DPP10: variants seen among roughly 807,000 people sequenced by gnomAD.
The protein encoded by DPP10 is inactive dipeptidyl peptidase 10.
In DPP10, 33 loss-of-function variants were observed where a neutral mutation model predicts 120.9. The observed-to-expected ratio is 0.27, with a 90% confidence interval of 0.21 to 0.37. The LOEUF (loss-of-function observed/expected upper bound fraction) is 0.37. Ranked by LOEUF, DPP10 falls within the 10% of genes least tolerant of loss-of-function variation. The probability of loss-of-function intolerance (pLI) is 1.00; values close to 1 mark genes in which losing one functional copy is unlikely to be tolerated. For synonymous variants in DPP10, 337 were observed against 326.1 expected (o/e 1.03, Z -0.36); for missense variants, 816 against 942.8 (o/e 0.87, Z 1.76).
intron 1 of DPP10, among the ~76,000 whole-genome samples, chr2:114,625,779 T>C (rs1158194343): frequency 6.6e-6 from 1 of 151,940 alleles, no homozygotes; most frequent in Non-Finnish European, 1.5e-5. Flanking sequence ...TTGAATACTT[T>C]TGGGAAGTTT....
chr2:115,364,537 T>A (rs543166120), intron 3 of DPP10, among the ~76,000 whole-genome samples: 1 of 152,176 alleles, frequency 6.6e-6, no homozygotes, highest in East Asian at 1.9e-4. Context: ...AATATTCTTA[T>A]TTTTCCATAC....
At chr2:115,582,989 T>C (rs1210708014) in intron 5 of DPP10, among the ~76,000 whole-genome samples, 1 of 152,220 alleles carries the variant, frequency 6.6e-6, no homozygotes, top group Non-Finnish European at 1.5e-5. Context: ...ATCTTGCAAC[T>C]TTGTGAGATG....
intron 1 of DPP10, among the ~76,000 whole-genome samples, chr2:114,881,020 C>G (rs972754558): frequency 2.0e-5 from 3 of 152,048 alleles, no homozygotes; most frequent in Admixed American, 6.6e-5. Context: ...AAGTGTGACC[C>G]AGGTTACCTA....
At chr2:115,719,357 A>G (rs920333236) in intron 7 of DPP10, among the ~76,000 whole-genome samples, 5 of 152,204 alleles carry the variant, frequency 3.3e-5, no homozygotes, top group African/African-American at 1.2e-4. Context: ...CCTGATATGA[A>G]TAATTGCAAA....
At position 115,505,364 on chromosome 2, in the gene DPP10, A is replaced by G. The variant is rs17044583; in HGVS notation, c.366+5760A>G. On this transcript the variant is annotated intron_variant, in intron 4 of 25. Coordinates refer to ENST00000410059, the MANE Select transcript of DPP10 (RefSeq NM_020868.6). ...ATTATATGAACTAGAGCTTGGTTCA[A>G]TCTTGTCTGACAGAGCCTATTAGAT... 7.7e-3 allele frequency among the ~76,000 whole-genome samples: 1,174 copies of G among 152,262 alleles called. 40 individuals are homozygous for G. The highest frequency in any genetic ancestry group is 0.07 in the East Asian group (364 of 5,176).
rs148619134 is a variant in DPP10, at chr2:115,025,136, T to G, written c.61-284103T>G. Among the ~76,000 whole-genome samples, 466 of 151,960 alleles carry G rather than the reference T, an allele frequency of 3.1e-3. 3 individuals are homozygous for G. The highest frequency in any genetic ancestry group is 0.011 in the African/African-American group (439 of 41,490). ...CTTTTATCTAACTGTATATTTGTCT[T>G]TTTAATCAACCCTCCTCCACCTCCC... On this transcript the variant is annotated intron_variant, in intron 1 of 25. Transcript: ENST00000410059.
At chr2:115,210,401 T>G (rs1470614274) in intron 1 of DPP10, among the ~76,000 whole-genome samples, 2 of 152,222 alleles carry the variant, frequency 1.3e-5, no homozygotes, top group Non-Finnish European at 2.9e-5. Context: ...GTGCCACATT[T>G]TCTTTATCCA....
chr2:115,032,662 C>G (rs896667886), intron 1 of DPP10, among the ~76,000 whole-genome samples: 1 of 151,828 alleles, frequency 6.6e-6, no homozygotes, highest in Non-Finnish European at 1.5e-5. Flanking sequence ...GGGTGGATCA[C>G]CTGAGGTCAG....
At chr2:114,500,050 G>C (rs940836334) in intron 1 of DPP10, among the ~76,000 whole-genome samples, 2 of 152,162 alleles carry the variant, frequency 1.3e-5, no homozygotes, top group Non-Finnish European at 2.9e-5. Context: ...GAATATTAGG[G>C]TTCCCTCTTC....
At chr2:114,494,051 T>C (rs536007376) in intron 1 of DPP10, among the ~76,000 whole-genome samples, 62 of 135,934 alleles carry the variant, frequency 4.6e-4, no homozygotes, top group Non-Finnish European at 6.8e-4. Context: ...AGTGAAAGTA[T>C]GCTGCAAGAA....
intron 1 of DPP10, among the ~76,000 whole-genome samples, chr2:114,755,513 A>G (rs974522231): frequency 6.6e-6 from 1 of 152,244 alleles, no homozygotes. Flanking sequence ...TGTTTTAGGT[A>G]CTTATAATCT....
chr2:114,882,923 C>T (rs1321318672), intron 1 of DPP10, among the ~76,000 whole-genome samples: 1 of 152,104 alleles, frequency 6.6e-6, no homozygotes, highest in African/African-American at 2.4e-5. Context: ...TTCCTGATGT[C>T]TAAAGCTAAA....
intron 3 of DPP10, among the ~76,000 whole-genome samples, chr2:115,345,739 T>C (rs1242023437): frequency 6.6e-6 from 1 of 152,204 alleles, no homozygotes; most frequent in African/African-American, 2.4e-5. Flanking sequence ...AGGACAGATA[T>C]TTAAGTAGTG....
At chr2:114,639,821 T>C (rs1458783603) in intron 1 of DPP10, among the ~76,000 whole-genome samples, 2 of 151,954 alleles carry the variant, frequency 1.3e-5, no homozygotes, top group African/African-American at 4.9e-5. Context: ...TTCTTAGTTG[T>C]GAAATAATTG....
chr2:115,455,810 A>C (rs1047121642), intron 3 of DPP10, among the ~76,000 whole-genome samples: 20 of 152,332 alleles, frequency 1.3e-4, no homozygotes, highest in African/African-American at 4.1e-4. Context: ...TTATACAAAA[A>C]TTAACTCAAG....
chr2:115,605,957 G>C (rs983705772), intron 5 of DPP10, among the ~76,000 whole-genome samples: 1 of 151,998 alleles, frequency 6.6e-6, no homozygotes, highest in Admixed American at 6.6e-5. Context: ...CTATGCCTTT[G>C]ATATTTTATG....
chr2:115,530,975 TA>T (rs764737187), intron 5 of DPP10, among the ~76,000 whole-genome samples: 25 of 152,050 alleles, frequency 1.6e-4, no homozygotes, highest in South Asian at 2.1e-4. Flanking sequence ...ACATTAGAAA[TA>T]AAAATAAAAA....
At chr2:114,468,088 T>C (rs960814714) in intron 1 of DPP10, among the ~76,000 whole-genome samples, 1 of 152,118 alleles carries the variant, frequency 6.6e-6, no homozygotes, top group Non-Finnish European at 1.5e-5. Context: ...ATTTTAAATA[T>C]CAGGTGCTGG....
chr2:114,882,860 A>G (rs1389810201), intron 1 of DPP10, among the ~76,000 whole-genome samples: 1 of 152,160 alleles, frequency 6.6e-6, no homozygotes, highest in East Asian at 1.9e-4. Context: ...AAAGGAGAAA[A>G]AAACAAATCT....
Sources: allele counts gnomAD v4.1 joint callset (sites outside exome capture counted in the v4.1 genomes callset), GRCh38; gene constraint gnomAD v4.1.1; transcripts MANE v1.5; gene names NCBI Gene and HGNC (gene_info 2026-07-23, HGNC 2026-07-21).